The following ACSL3 variants were observed in gnomAD, a reference collection of about 807,000 sequenced individuals.
The protein encoded by ACSL3 is acyl-CoA synthetase long chain family member 3.
In ACSL3, 34 loss-of-function variants were observed where a neutral mutation model predicts 84.7. The ratio of observed to expected loss-of-function variants is 0.40; its 90% CI spans 0.31 to 0.53. ACSL3 has a LOEUF of 0.53. ACSL3 is among the 20% of genes least tolerant of loss of function. The pLI, the probability that ACSL3 is intolerant of heterozygous loss-of-function variation, is 0.48. For missense variants in ACSL3, 680 were observed against 873.1 expected (o/e 0.78, Z 2.79); for synonymous variants, 315 against 299.4 (o/e 1.05, Z -0.54).
intron 3 of ACSL3, among the ~76,000 whole-genome samples, chr2:222,903,784 A>G (rs1184658828): frequency 6.6e-6 from 1 of 152,206 alleles, no homozygotes; most frequent in African/African-American, 2.4e-5. Flanking sequence ...ACTGTGTGGT[A>G]AAGATGTAAA....
At chr2:222,894,077 A>G (rs1695911068) in intron 2 of ACSL3, among the ~76,000 whole-genome samples, 1 of 152,180 alleles carries the variant, frequency 6.6e-6, no homozygotes, top group African/African-American at 2.4e-5. Context: ...TATGATATTA[A>G]TAATATTATT....
chr2:222,878,148 A>G (rs533801887), intron 1 of ACSL3, among the ~76,000 whole-genome samples: 6 of 152,340 alleles, frequency 3.9e-5, no homozygotes, highest in Admixed American at 1.3e-4. Flanking sequence ...AGTAATGGAC[A>G]TGAGATACTG....
In ACSL3 at chr2:222,943,100, CAA is replaced by C. The variant is rs370508575; in HGVS notation, c.*1450_*1451del. ...AGGCAAAAATCAAAAAAAAAAAAAA[CAA>C]AAACAAAAAAAAAGATGAACCTAGG... On this transcript the variant is annotated 3_prime_UTR_variant, in exon 17 of 17. Transcript: ENST00000357430. 1.4e-3 allele frequency: 113 copies of C among 78,106 alleles called. No homozygotes were observed. The highest frequency in any genetic ancestry group is 1.9e-3 in the South Asian group (2 of 1,068). 4.8% of individuals were successfully genotyped at this position (78,106 alleles called of 1,614,324 possible).
chr2:222,873,220 C>T (rs191701458), intron 1 of ACSL3, among the ~76,000 whole-genome samples: 1 of 152,216 alleles, frequency 6.6e-6, no homozygotes, highest in Non-Finnish European at 1.5e-5. Flanking sequence ...AGTATTAAAA[C>T]ATCTATAAAT....
At chr2:222,866,117 T>C (rs1695131332) in intron 1 of ACSL3, among the ~76,000 whole-genome samples, 1 of 152,234 alleles carries the variant, frequency 6.6e-6, no homozygotes, top group Admixed American at 6.5e-5. Context: ...CCAAATGCTG[T>C]TCTAATTTTT....
intron 4 of ACSL3, among the ~76,000 whole-genome samples, chr2:222,915,774 T>G (rs1357918425): frequency 1.3e-5 from 2 of 152,252 alleles, no homozygotes; most frequent in Non-Finnish European, 2.9e-5. Context: ...TTTACTTTGC[T>G]TTTGCTTATC....
intron 13 of ACSL3, among the ~76,000 whole-genome samples, chr2:222,930,292 A>G (rs1379268540): frequency 1.3e-5 from 2 of 152,200 alleles, no homozygotes; most frequent in Non-Finnish European, 2.9e-5. Flanking sequence ...CTGTCAGTTT[A>G]TCAATATGAT....
intron 15 of ACSL3, 71 bp downstream of exon 15, chr2:222,933,351 G>T: frequency 9.4e-7 from 1 of 1,059,430 alleles, no homozygotes; most frequent in South Asian, 1.6e-5. Flanking sequence ...TACCTGTATG[G>T]ACCTTCTTTG....
intron 1 of ACSL3, among the ~76,000 whole-genome samples, chr2:222,880,603 C>T (rs1297836215): frequency 3.3e-5 from 5 of 151,702 alleles, no homozygotes; most frequent in East Asian, 1.9e-4. Flanking sequence ...CCAAGGTGGG[C>T]GGATCACGAG....
chr2:222,928,154 A>G (rs557496662), intron 12 of ACSL3, among the ~76,000 whole-genome samples: 2 of 152,330 alleles, frequency 1.3e-5, no homozygotes, highest in African/African-American at 2.4e-5. Context: ...ACATAATGCA[A>G]TAGTAATTCA....
At chr2:222,880,762 G>A (rs1319801910) in intron 1 of ACSL3, among the ~76,000 whole-genome samples, 1 of 151,138 alleles carries the variant, frequency 6.6e-6, no homozygotes, top group African/African-American at 2.4e-5. Context: ...CCCGGGAGGC[G>A]GAGCTTACAG....
chr2:222,917,542 ATTC>A (rs1352703625), intron 5 of ACSL3: 1 of 152,280 alleles, frequency 6.6e-6, no homozygotes, highest in African/African-American at 2.4e-5. Flanking sequence ...AATCTACACT[ATTC>A]ATGTTATGTA....
intron 1 of ACSL3, among the ~76,000 whole-genome samples, chr2:222,885,330 T>G (rs1456955699): frequency 1.3e-5 from 2 of 152,212 alleles, no homozygotes; most frequent in Non-Finnish European, 2.9e-5. Context: ...TGTACTTCCG[T>G]AAGAGTGCCA....
At chr2:222,914,317 G>A (rs191694017) in intron 4 of ACSL3, among the ~76,000 whole-genome samples, 1 of 151,642 alleles carries the variant, frequency 6.6e-6, no homozygotes, top group Non-Finnish European at 1.5e-5. Context: ...AGGCTGGAGT[G>A]TAGTGGTATG....
chr2:222,878,063 C>T (rs1695496611), intron 1 of ACSL3, among the ~76,000 whole-genome samples: 2 of 152,176 alleles, frequency 1.3e-5, no homozygotes, highest in African/African-American at 4.8e-5. Flanking sequence ...GCTGCACACC[C>T]AGTGCCCAGC....
At chr2:222,876,987 C>T (rs1222374342) in intron 1 of ACSL3, among the ~76,000 whole-genome samples, 1 of 152,032 alleles carries the variant, frequency 6.6e-6, no homozygotes, top group Non-Finnish European at 1.5e-5. Context: ...CTGGATAGAG[C>T]ATAGTTTTTC....
intron 15 of ACSL3, 71 bp downstream of exon 15, chr2:222,933,351 G>A: frequency 2.8e-6 from 3 of 1,059,430 alleles, no homozygotes; most frequent in Non-Finnish European, 4.1e-6. Context: ...TACCTGTATG[G>A]ACCTTCTTTG....
intron 7 of ACSL3, among the ~76,000 whole-genome samples, chr2:222,920,089 C>T (rs1696692034): frequency 6.6e-6 from 1 of 151,990 alleles, no homozygotes; most frequent in African/African-American, 2.4e-5. Context: ...GGTGAGTCAT[C>T]AGCAGGATCA....
rs752657294 is a variant in ACSL3, at chr2:222,924,535, T to C, written c.1232T>C (p.Leu411Pro). The change falls in exon 11 of 17, where the codon CTG becomes CCG. Residue 411 changes from leucine to proline, a missense_variant. Coordinates refer to ENST00000357430, the MANE Select transcript of ACSL3 (RefSeq NM_004457.5). ...MSSFQRNLFI[L>P]AYNYKMEQIS... ...AGTTTTCAACGTAATCTGTTTATTC[T>C]GGCCTATAATTACAAAATGGAACAG... is the stretch of plus-strand genomic sequence containing the variant. 1 of 1,611,374 alleles carries C rather than the reference T, an allele frequency of 6.2e-7. No homozygotes were observed. The highest frequency in any genetic ancestry group is 1.1e-5 in the South Asian group (1 of 90,142).
Sources: allele counts gnomAD v4.1 joint callset (sites outside exome capture counted in the v4.1 genomes callset), GRCh38; gene constraint gnomAD v4.1.1; transcripts MANE v1.5; gene names NCBI Gene and HGNC (gene_info 2026-07-23, HGNC 2026-07-21).